The following NSUN3 variants were observed in gnomAD, a reference collection of about 807,000 sequenced individuals.
The protein encoded by NSUN3 is NOP2/Sun RNA methyltransferase 3, also known as tRNA (cytosine(34)-C(5))-methyltransferase, mitochondrial.
A neutral mutation model predicts 36.8 loss-of-function variants in NSUN3; 24 were observed. The observed-to-expected ratio is 0.65, with a 90% CI of 0.47 to 0.92. NSUN3 has a LOEUF of 0.92. NSUN3 is among the 40% of genes least tolerant of loss of function. The probability of loss-of-function intolerance (pLI) is 0.00; values close to 1 mark genes in which losing one functional copy is unlikely to be tolerated. For missense variants in NSUN3, 381 were observed against 392.8 expected (o/e 0.97, Z 0.25); for synonymous variants, 146 against 145.2 (o/e 1.01, Z -0.04).
rs139062652 is a variant in NSUN3 at position 94,115,073 on chromosome 3, G to A, written c.744-11138G>A. Among the ~76,000 whole-genome samples, 786 of 152,178 alleles carry A rather than the reference G, an allele frequency of 5.2e-3. 7 individuals are homozygous for A. Among genetic ancestry groups the A allele is most frequent in the African/African-American group, 0.017 (714 of 41,512 alleles). On this transcript the variant is annotated intron_variant, in intron 5 of 5. Transcript: ENST00000314622. Reference sequence around the variant, plus strand: ...ACCTTTTTGGTTTTGGACTTAAGCTGTCATTTGGGCAGTGAGATAAAAAGA... The same window carrying A: ...ACCTTTTTGGTTTTGGACTTAAGCTATCATTTGGGCAGTGAGATAAAAAGA...
chr3:94,088,538 C>A (rs2077302010), intron 3 of NSUN3, among the ~76,000 whole-genome samples: 1 of 152,078 alleles, frequency 6.6e-6, no homozygotes, highest in African/African-American at 2.4e-5. Flanking sequence ...AGGTAACTGG[C>A]AGAGCTGGGA....
chr3:94,094,373 A>T (rs186232632), intron 4 of NSUN3, 79 bp downstream of exon 4: 1 of 1,403,856 alleles, frequency 7.1e-7, no homozygotes, highest in Admixed American at 2.2e-5. Flanking sequence ...GTTATTTTCC[A>T]TCTGTTCTCA....
intron 5 of NSUN3, among the ~76,000 whole-genome samples, chr3:94,124,758 A>G (rs1263863203): frequency 6.6e-6 from 1 of 152,152 alleles, no homozygotes; most frequent in Non-Finnish European, 1.5e-5. Flanking sequence ...TTCAAAACAT[A>G]TTTAATTTGT....
chr3:94,127,430 G>T lies in NSUN3; in HGVS notation c.*940G>T, dbSNP rs548137556. On this transcript the variant is annotated 3_prime_UTR_variant, in exon 6 of 6. Transcript: ENST00000314622. ...TATGATGCCACATATTAATGCACAAGAGGGAGATGCCTAATGAGAGTGGAC... is the reference window on the plus strand; with the variant it reads ...TATGATGCCACATATTAATGCACAATAGGGAGATGCCTAATGAGAGTGGAC... 13 of 152,134 alleles carry T rather than the reference G, an allele frequency of 8.5e-5. No homozygotes were observed. Among genetic ancestry groups the T allele is most frequent in the Non-Finnish European group, 1.6e-4 (11 of 68,030 alleles). 9.4% of individuals were successfully genotyped at this position (152,134 alleles called of 1,614,324 possible). A position where few individuals can be genotyped will look rare whatever the true frequency, so the allele number is the denominator to read the frequency against.
At chr3:94,070,751 T>C (rs2107236159) in intron 2 of NSUN3, among the ~76,000 whole-genome samples, 1 of 152,306 alleles carries the variant, frequency 6.6e-6, no homozygotes, top group Non-Finnish European at 1.5e-5. Flanking sequence ...TTCCTCCAGG[T>C]ATTCAAAACC....
intron 5 of NSUN3, among the ~76,000 whole-genome samples, chr3:94,125,075 T>G (rs1287875999): frequency 1.3e-5 from 2 of 152,204 alleles, no homozygotes; most frequent in Non-Finnish European, 2.9e-5. Context: ...TAACCATATA[T>G]TTAGTTTCTA....
Position 94,121,281 on chromosome 3 carries a change from G to C in NSUN3, c.744-4930G>C, listed in dbSNP as rs1457218593. On this transcript the variant is annotated intron_variant, in intron 5 of 5. Coordinates refer to ENST00000314622, the MANE Select transcript of NSUN3 (RefSeq NM_022072.5). ...CACATACCTGAGCTCTTTGCCCTAG[G>C]CCAGCAATCCTGTCAGTTCAACCCA... 2.0e-5 allele frequency among the ~76,000 whole-genome samples: 3 copies of C among 152,176 alleles called. No individual in the cohort carries two copies. In the East Asian group the frequency reaches 5.8e-4, roughly 29 times the overall value.
At chr3:94,120,773 G>A (rs909542170) in intron 5 of NSUN3, among the ~76,000 whole-genome samples, 5 of 152,100 alleles carry the variant, frequency 3.3e-5, no homozygotes, top group Non-Finnish European at 7.4e-5. Flanking sequence ...GCTTTCAATT[G>A]TTTGGGGAAT....
intron 5 of NSUN3, among the ~76,000 whole-genome samples, chr3:94,100,858 A>G (rs1267180457): frequency 6.6e-6 from 1 of 152,212 alleles, no homozygotes; most frequent in Non-Finnish European, 1.5e-5. Flanking sequence ...AGTGTTCAGA[A>G]TTTCAACTTT....
intron 3 of NSUN3, among the ~76,000 whole-genome samples, chr3:94,089,530 G>T (rs2077306093): frequency 6.6e-6 from 1 of 152,196 alleles, no homozygotes; most frequent in Non-Finnish European, 1.5e-5. Context: ...CCTTCTGGGG[G>T]CATTCCACTG....
chr3:94,091,269 A>G (rs529903931), intron 3 of NSUN3, among the ~76,000 whole-genome samples: 1 of 152,314 alleles, frequency 6.6e-6, no homozygotes, highest in South Asian at 2.1e-4. Context: ...AGTTCAAAGG[A>G]ATATAAAAGA....
chr3:94,126,036 G>T (rs1423542527), intron 5 of NSUN3, among the ~76,000 whole-genome samples, 175 bp from the exon 6 acceptor site: 3 of 151,738 alleles, frequency 2.0e-5, no homozygotes, highest in Non-Finnish European at 4.4e-5. Flanking sequence ...CTCCAGCCTG[G>T]GTGACAAAGT....
intron 5 of NSUN3, among the ~76,000 whole-genome samples, chr3:94,113,827 T>C (rs900858704): frequency 6.6e-6 from 1 of 152,214 alleles, no homozygotes; most frequent in Non-Finnish European, 1.5e-5. Context: ...TTATTCCAAA[T>C]TATTTGGAAT....
In NSUN3 at chr3:94,130,266, C is replaced by T. The variant is rs924137775; in HGVS notation, c.*3776C>T. On this transcript the variant is annotated 3_prime_UTR_variant, in exon 6 of 6. Coordinates refer to ENST00000314622, the MANE Select transcript of NSUN3 (RefSeq NM_022072.5). ...TATTACTGCTGTTTGGAAATACTTG[C>T]CTCTTGTAGATCCAGCTTTAACATT... Among the ~76,000 whole-genome samples the T allele has an allele frequency of 6.6e-6, 1 of 152,134 alleles. No homozygotes were observed. The highest frequency in any genetic ancestry group is 1.5e-5 in the Non-Finnish European group (1 of 68,028).
intron 2 of NSUN3, among the ~76,000 whole-genome samples, chr3:94,071,350 T>C (rs2077224188): frequency 6.6e-6 from 1 of 152,096 alleles, no homozygotes; most frequent in Admixed American, 6.5e-5. Context: ...ATTTCAAGCA[T>C]GAAAATATAT....
chr3:94,111,150 G>C (rs1175219926), intron 5 of NSUN3, among the ~76,000 whole-genome samples: 1 of 151,990 alleles, frequency 6.6e-6, no homozygotes, highest in East Asian at 1.9e-4. Context: ...GTAACACAGT[G>C]GTATTTGTGT....
intron 2 of NSUN3, among the ~76,000 whole-genome samples, chr3:94,083,128 A>G (rs758940840): frequency 6.9e-6 from 1 of 145,006 alleles, no homozygotes; most frequent in Admixed American, 6.9e-5. Context: ...TTTTTCCAAG[A>G]TGTACTGCAG....
intron 5 of NSUN3, among the ~76,000 whole-genome samples, chr3:94,111,679 C>G (rs1174598471): frequency 6.6e-6 from 1 of 152,054 alleles, no homozygotes; most frequent in East Asian, 1.9e-4. Flanking sequence ...TCATCAATAT[C>G]ACTGTCTTCC....
rs79863694 is a variant in NSUN3, at chr3:94,105,847, T to A, written c.743+10693T>A. ...TAAGCACATTTGCCATGGGACAAAA[T>A]CAGGTCAATTCTGGTGGTTTTCTTG... On this transcript the variant is annotated intron_variant, in intron 5 of 5. Coordinates refer to ENST00000314622, the MANE Select transcript of NSUN3 (RefSeq NM_022072.5). 9.4e-3 allele frequency among the ~76,000 whole-genome samples: 1,420 copies of A among 151,716 alleles called. 20 individuals carry two copies. Among genetic ancestry groups the A allele is most frequent in the African/African-American group, 0.032 (1,319 of 41,352 alleles).
Sources: allele counts gnomAD v4.1 joint callset (sites outside exome capture counted in the v4.1 genomes callset), GRCh38; gene constraint gnomAD v4.1.1; transcripts MANE v1.5; gene names NCBI Gene and HGNC (gene_info 2026-07-23, HGNC 2026-07-21).